Variants in CABYR observed in about 807,000 individuals in gnomAD.
CABYR encodes calcium-binding tyrosine phosphorylation-regulated protein.
In CABYR, 31 loss-of-function variants were observed where a neutral mutation model predicts 36.1. The observed-to-expected ratio is 0.86, with a 90% CI of 0.64 to 1.16. The LOEUF is 1.16. Ranked by LOEUF, CABYR falls within the 50% of genes most tolerant of loss-of-function variation. CABYR has a pLI of 0.00. For synonymous variants in CABYR, 146 were observed against 160.7 expected, an observed-to-expected ratio of 0.91 and a Z score of 0.69; for missense variants, 429 against 455.8, an observed-to-expected ratio of 0.94 and a Z score of 0.53.
chr18:24,160,124 C>A, intron 5 of CABYR, 55 bp downstream of exon 5: 1 of 1,208,850 alleles, frequency 8.3e-7, no homozygotes, highest in Non-Finnish European at 1.2e-6. Context: ...GCGTTTTAAG[C>A]ATTTTGATTT....
chr18:24,160,376 G>A (rs908439869), intron 5 of CABYR: 1 of 299,246 alleles, frequency 3.3e-6, no homozygotes, highest in Non-Finnish European at 6.1e-6. Flanking sequence ...GATGCGAAAA[G>A]GGGATGGATT....
At chr18:24,146,919 C>T (rs910546494) in intron 3 of CABYR, among the ~76,000 whole-genome samples, 2 of 152,034 alleles carry the variant, frequency 1.3e-5, no homozygotes, top group Admixed American at 6.6e-5. Context: ...CTTTAAAAAA[C>T]GAATGCAAAA....
intron 3 of CABYR, among the ~76,000 whole-genome samples, chr18:24,148,951 G>A (rs796982310): frequency 4.6e-5 from 7 of 152,260 alleles, no homozygotes; most frequent in African/African-American, 1.7e-4. Context: ...TGCCACTGCT[G>A]GCTCGAACAG....
Position 24,155,811 on chromosome 18 carries a change from G to A in CABYR, c.310G>A (p.Asp104Asn), listed in dbSNP as rs1435683945. ...ACCTACCCAGATGGAAAAATCTACAGACACAGACGAGGACAATGTAACCAG... is the reference window on the plus strand; with the variant it reads ...ACCTACCCAGATGGAAAAATCTACAAACACAGACGAGGACAATGTAACCAG... ...KVPTQMEKST[D>N]TDEDNVTRTE... The change falls in exon 4 of 6, where the codon GAC (aspartate) becomes AAC (asparagine). Residue 104 changes from aspartate to asparagine, a missense_variant. Coordinates refer to ENST00000399496, the MANE Select transcript of CABYR (RefSeq NM_153769.3). 1.2e-6 allele frequency: 2 copies of A among 1,614,190 alleles called. No homozygotes were observed. The highest frequency in any genetic ancestry group is 1.7e-5 in the Admixed American group (1 of 60,026).
intron 3 of CABYR, among the ~76,000 whole-genome samples, chr18:24,148,084 TTTGA>T (rs369456062): frequency 3.3e-5 from 5 of 152,288 alleles, no homozygotes; most frequent in East Asian, 1.9e-4. Flanking sequence ...CATTTGTTCC[TTTGA>T]TTAAGAAAGG....
chr18:24,141,044 T>G (rs893531892), intron 1 of CABYR, among the ~76,000 whole-genome samples: 1 of 152,224 alleles, frequency 6.6e-6, no homozygotes, highest in African/African-American at 2.4e-5. Flanking sequence ...TGATTTCCAT[T>G]TGGGTATATA....
rs763556642 is a variant in CABYR at position 24,155,850 on chromosome 18, G to T, written c.349G>T (p.Asp117Tyr). The T allele has an allele frequency of 3.1e-6, 5 of 1,614,008 alleles. No individual in the cohort carries two copies. The African/African-American group carries it at 6.7e-5, about 22-fold the overall frequency. ...EDNVTRTEYS[D>Y]KTTQFPSVYA... ...CAATGTAACCAGAACAGAATATAGT[G>T]ACAAAACCACCCAGTTTCCATCAGT... is the stretch of plus-strand genomic sequence containing the variant. The change falls in exon 4 of 6, where the codon GAC becomes TAC. Residue 117 changes from aspartate to tyrosine, a missense_variant. Transcript: ENST00000399496.
intron 3 of CABYR, among the ~76,000 whole-genome samples, chr18:24,145,231 G>GTGAA (rs1339684240): frequency 6.6e-6 from 1 of 152,112 alleles, no homozygotes; most frequent in Non-Finnish European, 1.5e-5. Context: ...GCTGTGCTAG[G>GTGAA]TGAAATTCAG....
At chr18:24,149,462 C>T (rs2085553380) in intron 3 of CABYR, among the ~76,000 whole-genome samples, 1 of 152,248 alleles carries the variant, frequency 6.6e-6, no homozygotes, top group Non-Finnish European at 1.5e-5. Context: ...CACGTCCCCA[C>T]CAGACTCAGG....
At position 24,155,872 on chromosome 18, in the gene CABYR, C is replaced by G. The variant is rs756437033; in HGVS notation, c.371C>G (p.Ser124Ter). ...AGTGACAAAACCACCCAGTTTCCAT[C>G]AGTTTATGCTGTGCCAGGCACTGAG... ...EYSDKTTQFP[S>*]VYAVPGTEQT... Residue 124 changes from serine to a stop codon, truncating the protein, a stop_gained, in exon 4 of 6, where the codon TCA (serine) becomes TGA (stop). Transcript: ENST00000399496. LOFTEE classifies it high-confidence loss of function. 1.2e-5 allele frequency: 19 copies of G among 1,614,186 alleles called. 1 individual carries two copies. In the Middle Eastern group the frequency reaches 6.6e-4, roughly 56 times the overall value.
chr18:24,148,022 T>C lies in CABYR; in HGVS notation c.199+4609T>C, dbSNP rs535778126. ...TGTCCCCTCATGCTACTGCTCCAGG[T>C]GTTATGCCTGTGTTTACATCAGGAA... On this transcript the variant is annotated intron_variant, in intron 3 of 5. Coordinates refer to ENST00000399496, the MANE Select transcript of CABYR (RefSeq NM_153769.3). Among the ~76,000 whole-genome samples the C allele has an allele frequency of 3.9e-5, 6 of 152,310 alleles. 1 individual carries two copies. In the South Asian group the frequency reaches 1.2e-3, roughly 32 times the overall value.
At chr18:24,151,671 GT>G (rs1404605945) in intron 3 of CABYR, among the ~76,000 whole-genome samples, 1 of 143,466 alleles carries the variant, frequency 7.0e-6, no homozygotes, top group African/African-American at 2.6e-5. Flanking sequence ...AAGCCAAATG[GT>G]TGATCTAGTG....
chr18:24,145,267 A>C (rs2085432107), intron 3 of CABYR, among the ~76,000 whole-genome samples: 1 of 152,208 alleles, frequency 6.6e-6, no homozygotes, highest in South Asian at 2.1e-4. Flanking sequence ...TTTTCATTTC[A>C]GCTATGATAG....
chr18:24,156,661 T>C, intron 4 of CABYR: 1 of 1,614,164 alleles, frequency 6.2e-7, no homozygotes, highest in Non-Finnish European at 8.5e-7. Flanking sequence ...ACAGCTCTGC[T>C]CTCTGACACA....
chr18:24,147,626 C>T (rs1216373936), intron 3 of CABYR, among the ~76,000 whole-genome samples: 2 of 151,332 alleles, frequency 1.3e-5, no homozygotes, highest in Non-Finnish European at 2.9e-5. Context: ...GGACACAGCC[C>T]AGATGTTTAT....
rs745820176 is a variant in CABYR, at chr18:24,159,531, T to C, written c.601T>C (p.Cys201Arg). The change falls in exon 5 of 6, where the codon TGT becomes CGT. Residue 201 changes from cysteine (C) to arginine (R), a missense_variant. Coordinates refer to ENST00000399496, the MANE Select transcript of CABYR (RefSeq NM_153769.3). ...ATGTTCTAACATGTGGACCCTTTAT[T>C]GTCTAACTGATAAGAATCAACAAGG... Reference protein sequence around the residue: ...PPCSNMWTLYCLTDKNQQGHP... With the variant: ...PPCSNMWTLYRLTDKNQQGHP... 2 of 1,614,012 alleles carry C rather than the reference T, an allele frequency of 1.2e-6. No homozygotes were observed. Among genetic ancestry groups the C allele is most frequent in the Non-Finnish European group, 1.7e-6 (2 of 1,180,010 alleles).
intron 4 of CABYR, among the ~76,000 whole-genome samples, chr18:24,157,857 AG>A (rs2085833800): frequency 6.6e-6 from 1 of 152,326 alleles, no homozygotes; most frequent in South Asian, 2.1e-4. Flanking sequence ...TTTTAGGGAC[AG>A]AAGGGACGTG....
intron 3 of CABYR, among the ~76,000 whole-genome samples, chr18:24,147,865 C>G (rs997430344): frequency 2.6e-5 from 4 of 152,126 alleles, no homozygotes; most frequent in African/African-American, 4.8e-5. Context: ...CTGCAAGTAA[C>G]AGCAAATCAA....
At chr18:24,157,238 G>A (rs1000969058) in intron 4 of CABYR, among the ~76,000 whole-genome samples, 2 of 152,098 alleles carry the variant, frequency 1.3e-5, no homozygotes, top group Admixed American at 6.6e-5. Flanking sequence ...GCACTTTTGC[G>A]TTATTCTTTT....
Sources: allele counts gnomAD v4.1 joint callset (sites outside exome capture counted in the v4.1 genomes callset), GRCh38; gene constraint gnomAD v4.1.1; transcripts MANE v1.5; gene names NCBI Gene and HGNC (gene_info 2026-07-23, HGNC 2026-07-21).